The following MACF1 variants were observed in gnomAD, a reference collection of about 807,000 sequenced individuals.
MACF1 encodes microtubule actin crosslinking factor 1, also known as microtubule-actin cross-linking factor 1.
A neutral mutation model predicts 854.8 loss-of-function variants in MACF1; 193 were observed. That is an observed-to-expected ratio of 0.23 (90% CI 0.20 to 0.25). The LOEUF is 0.25. MACF1 is among the 10% of genes least tolerant of loss of function. The pLI is 1.00. For synonymous variants in MACF1, 3,185 were observed against 3,226.7 expected (o/e 0.99, Z 0.44); for missense variants, 7,722 against 8,929.1 (o/e 0.86, Z 5.45).
intron 80 of MACF1, among the ~76,000 whole-genome samples, chr1:39,446,004 C>T (rs1279785983): frequency 2.0e-5 from 3 of 152,164 alleles, no homozygotes; most frequent in Non-Finnish European, 4.4e-5. Flanking sequence ...ATCCATAGAT[C>T]CTGCAGAAGG....
Position 39,283,992 on chromosome 1 carries a change from GCCTGAGCTAC to G in MACF1, c.916-73_916-64del. 6.5e-7 allele frequency: 1 copy of G among 1,535,898 alleles called. No homozygotes were observed. Among genetic ancestry groups the G allele is most frequent in the Non-Finnish European group, 8.9e-7 (1 of 1,122,692 alleles). On this transcript the variant is annotated intron_variant, in intron 9 of 100. Coordinates refer to ENST00000564288, the MANE Select transcript of MACF1 (RefSeq NM_001394062.1). The surrounding 1 kb of genome is among the most constrained non-coding windows in gnomAD (Gnocchi z 4.5). Reference sequence around the variant, plus strand: ...AATGGATTTTATATAGTTTGGAGTGGCCTGAGCTACTTTCTCTTGTGCTTGTTTTGGATAT... The same window carrying G: ...AATGGATTTTATATAGTTTGGAGTGGTTTCTCTTGTGCTTGTTTTGGATAT...
chr1:39,437,699 C>A, intron 70 of MACF1, 78 bp from the exon 71 acceptor site: 1 of 1,089,916 alleles, frequency 9.2e-7, no homozygotes, highest in Non-Finnish European at 1.4e-6. Flanking sequence ...AGGATAATAT[C>A]TTGTCCTTAT....
intron 2 of MACF1, among the ~76,000 whole-genome samples, chr1:39,092,311 G>T (rs1189753345): frequency 6.6e-6 from 1 of 152,186 alleles, no homozygotes; most frequent in Admixed American, 6.5e-5. Context: ...ACTCAGTTTA[G>T]GAGCACCTTA....
intron 35 of MACF1, among the ~76,000 whole-genome samples, chr1:39,326,696 A>T (rs1474941627): frequency 2.0e-5 from 3 of 147,010 alleles, no homozygotes; most frequent in East Asian, 2.0e-4. Flanking sequence ...AAAAAAAAAA[A>T]AAAAAGAGAG....
chr1:39,296,811 AAAGG>A (rs751164815), intron 20 of MACF1, among the ~76,000 whole-genome samples: 19,910 of 105,962 alleles, frequency 0.19, 1,793 homozygotes, highest in East Asian at 0.25. Context: ...GAAAAGAAAG[AAAGG>A]AAGGAAGGAA....
Position 39,353,044 on chromosome 1 carries a change from A to T in MACF1, c.11237A>T (p.Lys3746Met), listed in dbSNP as rs1204870671. The stretch of plus-strand genomic sequence containing the variant: ...AAGGAACTGGCAGAGAACAAGAAGA[A>T]GATCGATGCTCTCCTGGATTGGGTA... ...AAKELAENKK[K>M]IDALLDWVTS... Residue 3746 changes from lysine (K) to methionine (M), a missense_variant, in exon 44 of 101, where the codon AAG becomes ATG. Coordinates refer to ENST00000564288, the MANE Select transcript of MACF1 (RefSeq NM_001394062.1). The T allele has an allele frequency of 6.2e-7, 1 of 1,613,914 alleles. No homozygotes were observed. The highest frequency in any genetic ancestry group is 1.7e-5 in the Admixed American group (1 of 59,992).
Position 39,442,273 on chromosome 1 carries a change from C to T in MACF1, c.18901C>T (p.Leu6301Phe). Residue 6301 changes from leucine (L) to phenylalanine (F), a missense_variant, in exon 76 of 101, where the codon CTC (leucine) becomes TTC (phenylalanine). Physicochemically the swap from Leu to Phe is conservative, Grantham distance 22. Coordinates refer to ENST00000564288, the MANE Select transcript of MACF1 (RefSeq NM_001394062.1). The stretch of plus-strand genomic sequence containing the variant: ...CATTATACGAGAACCACTGACAGAA[C>T]TCAAACACCTCTGGGAGAACCTGGG... ...RDIIREPLTE[L>F]KHLWENLGEK... is the part of the protein sequence containing the mutation. 6.2e-7 allele frequency: 1 copy of T among 1,607,278 alleles called. No individual in the cohort carries two copies. Among genetic ancestry groups the T allele is most frequent in the South Asian group, 1.1e-5 (1 of 90,208 alleles).
intron 58 of MACF1, chr1:39,411,376 G>C: frequency 6.2e-7 from 1 of 1,614,050 alleles, no homozygotes; most frequent in Non-Finnish European, 8.5e-7. Flanking sequence ...AAACACAGCA[G>C]TGGTGGAGGA....
At chr1:39,411,125 T>A (rs763118020) in intron 58 of MACF1, 47 of 1,613,486 alleles carry the variant, frequency 2.9e-5, no homozygotes, top group Admixed American at 8.3e-5. Context: ...ACTGTGGAAA[T>A]GCCACCTCTC....
At chr1:39,158,782 G>A (rs561830951) in intron 2 of MACF1, among the ~76,000 whole-genome samples, 6 of 152,298 alleles carry the variant, frequency 3.9e-5, no homozygotes, top group South Asian at 2.1e-4. Context: ...AAATGAGGGC[G>A]CTCAAAAGGC....
chr1:39,357,363 T>A lies in MACF1; in HGVS notation c.11425-12T>A, dbSNP rs762848197. ...TGATTGTCCTTTGTTTGGGGGGATT[T>A]TTTTTTACCAGGCCCGTCACCAAGA... On this transcript the variant is annotated splice_polypyrimidine_tract_variant and intron_variant, in intron 44 of 100. Transcript: ENST00000564288. 2 of 1,607,410 alleles carry A rather than the reference T, an allele frequency of 1.2e-6. No individual in the cohort carries two copies. The highest frequency in any genetic ancestry group is 2.2e-5 in the South Asian group (2 of 90,266).
chr1:39,387,078 C>G (rs1174083902), intron 57 of MACF1, 109 bp from the exon 58 acceptor site: 22 of 1,237,794 alleles, frequency 1.8e-5, no homozygotes, highest in Non-Finnish European at 2.5e-5. Flanking sequence ...GGTAGGCCCT[C>G]AAGTAACATT....
At chr1:39,163,437 C>T (rs1169963341) in intron 2 of MACF1, among the ~76,000 whole-genome samples, 1 of 151,572 alleles carries the variant, frequency 6.6e-6, no homozygotes, top group Non-Finnish European at 1.5e-5. Context: ...TGATATTACC[C>T]AAGACAAAAT....
chr1:39,360,054 C>T (rs78697937), intron 47 of MACF1, among the ~76,000 whole-genome samples: 3,250 of 40,496 alleles, frequency 0.08, 52 homozygotes, highest in Non-Finnish European at 0.1. Context: ...TATATATATA[C>T]ACACACACAC....
chr1:39,224,376 AAAG>A (rs1032012784), intron 1 of MACF1, among the ~76,000 whole-genome samples: 1 of 152,214 alleles, frequency 6.6e-6, no homozygotes, highest in African/African-American at 2.4e-5. Context: ...AGAAACAACC[AAAG>A]AAGAAGGCAG....
intron 2 of MACF1, among the ~76,000 whole-genome samples, chr1:39,163,340 CAA>C (rs11371076): frequency 1.2e-5 from 1 of 80,346 alleles, no homozygotes; most frequent in African/African-American, 5.6e-5. Flanking sequence ...AAGACTGTCT[CAA>C]AAAAAAAAAA....
chr1:39,377,669 C>G (rs905731137), intron 52 of MACF1, among the ~76,000 whole-genome samples: 10 of 152,086 alleles, frequency 6.6e-5, no homozygotes, highest in African/African-American at 2.4e-4. Context: ...CCTTTAAAAA[C>G]AATATAAGAA....
chr1:39,298,631 G>T, intron 21 of MACF1: 1 of 435,064 alleles, frequency 2.3e-6, no homozygotes, highest in Non-Finnish European at 4.6e-6. Flanking sequence ...GTGAATTTAA[G>T]TTTTTTTATT....
intron 98 of MACF1, 65 bp downstream of exon 98, chr1:39,480,074 C>T (rs1238208172): frequency 1.3e-5 from 13 of 1,015,122 alleles, no homozygotes; most frequent in Admixed American, 4.6e-5. Context: ...TCATTGTTCA[C>T]GGTAGCCTCT....
Sources: gnomAD v4.1 joint callset for allele counts (sites outside exome capture counted in the v4.1 genomes callset) on GRCh38, gnomAD v4.1.1 for gene constraint, Gnocchi (gnomAD v3.1) non-coding constraint, MANE v1.5 for transcripts, NCBI Gene and HGNC (gene_info 2026-07-23, HGNC 2026-07-21) for gene names.